The following GREM2 variants were observed in gnomAD, a reference collection of about 807,000 sequenced individuals.
GREM2 encodes the protein gremlin 2, DAN family BMP antagonist.
Under a neutral mutation model 14.2 loss-of-function variants are expected in GREM2, and 11 were observed. That is an observed-to-expected ratio of 0.78 (90% CI 0.49 to 1.28). The LOEUF is 1.28. Among genes scored for constraint, GREM2 ranks in the 50% most tolerant of loss-of-function variants. The probability of loss-of-function intolerance (pLI) is 0.00; values close to 1 mark genes in which losing one functional copy is unlikely to be tolerated. For missense variants in GREM2, 210 were observed against 218.5 expected, an observed-to-expected ratio of 0.96 and a Z score of 0.24; for synonymous variants, 98 against 97.6, an observed-to-expected ratio of 1.00 and a Z score of -0.02.
At chr1:240,583,142 C>G (rs940844664) in intron 1 of GREM2, among the ~76,000 whole-genome samples, 1 of 152,066 alleles carries the variant, frequency 6.6e-6, no homozygotes. Flanking sequence ...TAATCTGTAA[C>G]TACATCGAAT....
intron 1 of GREM2, among the ~76,000 whole-genome samples, chr1:240,609,705 C>T (rs986012989): frequency 6.6e-6 from 1 of 152,162 alleles, no homozygotes; most frequent in African/African-American, 2.4e-5. Context: ...ACAAAAGTGG[C>T]TGAACTAATC....
intron 1 of GREM2, among the ~76,000 whole-genome samples, chr1:240,551,096 G>A (rs1021802050): frequency 6.6e-6 from 1 of 152,148 alleles, no homozygotes; most frequent in Non-Finnish European, 1.5e-5. Context: ...AAATTGAGCT[G>A]GTTTCTCATC....
chr1:240,508,997 T>G lies in GREM2; in HGVS notation c.-1-15521A>C, dbSNP rs80349705. ...ATCCTCATTAATAAGGACCAGAGAC[T>G]AATGCAGTGATACGTAGCAATCAGT... On this transcript the variant is annotated intron_variant, in intron 1 of 1. Coordinates refer to ENST00000318160, the MANE Select transcript of GREM2 (RefSeq NM_022469.4). Among the ~76,000 whole-genome samples the G allele has an allele frequency of 1.8e-3, 277 of 152,366 alleles. 2 individuals are homozygous for G. Among genetic ancestry groups the G allele is most frequent in the African/African-American group, 6.3e-3 (264 of 41,578 alleles).
At chr1:240,576,161 C>G (rs1193191438) in intron 1 of GREM2, among the ~76,000 whole-genome samples, 2 of 152,108 alleles carry the variant, frequency 1.3e-5, no homozygotes, top group African/African-American at 4.8e-5. Context: ...CTGTGAGCTC[C>G]GTGATGTACA....
chr1:240,496,597 T>C (rs1473389920), intron 1 of GREM2, among the ~76,000 whole-genome samples: 2 of 152,226 alleles, frequency 1.3e-5, no homozygotes, highest in Non-Finnish European at 2.9e-5. Context: ...ATCACACTTG[T>C]CTTTCTTGTC....
intron 1 of GREM2, among the ~76,000 whole-genome samples, chr1:240,575,324 C>G (rs1336827660): frequency 6.6e-6 from 1 of 151,616 alleles, no homozygotes; most frequent in Non-Finnish European, 1.5e-5. Flanking sequence ...CAAGTCTTGT[C>G]CCTTTTATTT....
chr1:240,494,809 G>A lies in GREM2; in HGVS notation c.-1-1333C>T, dbSNP rs568252364. Among the ~76,000 whole-genome samples, 328 of 152,302 alleles carry A rather than the reference G, an allele frequency of 2.2e-3. 1 individual carries two copies. The highest frequency in any genetic ancestry group is 7.1e-3 in the African/African-American group (295 of 41,566). ...CCAGCTACTTGGGAGGCTGAGGCAG[G>A]AGAATGGCGTGAACCCGGGAGGCGG... On this transcript the variant is annotated intron_variant, in intron 1 of 1. Coordinates refer to ENST00000318160, the MANE Select transcript of GREM2 (RefSeq NM_022469.4).
At chr1:240,558,767 T>C (rs1175516306) in intron 1 of GREM2, among the ~76,000 whole-genome samples, 2 of 152,068 alleles carry the variant, frequency 1.3e-5, no homozygotes, top group Non-Finnish European at 2.9e-5. Context: ...ATATCTATCA[T>C]ATTGGGAATG....
chr1:240,546,285 G>A (rs1370383472), intron 1 of GREM2, among the ~76,000 whole-genome samples: 2 of 151,950 alleles, frequency 1.3e-5, no homozygotes, highest in Non-Finnish European at 2.9e-5. Context: ...GTTGCAGTGA[G>A]CCAAGATCGC....
At chr1:240,510,296 G>C (rs555091010) in intron 1 of GREM2, among the ~76,000 whole-genome samples, 13 of 148,294 alleles carry the variant, frequency 8.8e-5, no homozygotes, top group African/African-American at 2.2e-4. Flanking sequence ...CGTGAACCGG[G>C]GAGGCGGAGC....
At chr1:240,557,950 T>C (rs952810752) in intron 1 of GREM2, among the ~76,000 whole-genome samples, 1 of 152,120 alleles carries the variant, frequency 6.6e-6, no homozygotes, top group African/African-American at 2.4e-5. Flanking sequence ...ATTACTAATC[T>C]AGAGAAAACA....
intron 1 of GREM2, among the ~76,000 whole-genome samples, chr1:240,562,970 A>ATGTGTGTGAGTGTG (rs1263317226): frequency 2.1e-5 from 2 of 95,292 alleles, no homozygotes; most frequent in African/African-American, 1.7e-4. Context: ...GAGTGTGTGT[A>ATGTGTGTGAGTGTG]TGTGTGTATA....
intron 1 of GREM2, among the ~76,000 whole-genome samples, chr1:240,570,861 A>G (rs1558167057): frequency 1.3e-5 from 2 of 152,216 alleles, no homozygotes. Flanking sequence ...TTTTACATTA[A>G]TGATCACTGT....
At chr1:240,504,855 G>C (rs960581554) in intron 1 of GREM2, among the ~76,000 whole-genome samples, 4 of 152,004 alleles carry the variant, frequency 2.6e-5, no homozygotes, top group Non-Finnish European at 5.9e-5. Context: ...TTGCTGTTAA[G>C]AAAATACATT....
chr1:240,492,862 G>C lies in GREM2; in HGVS notation c.*107C>G. ...AAGAGAAGTGCTTGCTGCTGAGGGG[G>C]AACACCAGGCAGCGTGACAGTGGGC... On this transcript the variant is annotated 3_prime_UTR_variant, in exon 2 of 2. Transcript: ENST00000318160. 3 of 1,120,778 alleles carry C rather than the reference G, an allele frequency of 2.7e-6. No homozygotes were observed. Among genetic ancestry groups the C allele is most frequent in the Non-Finnish European group, 2.3e-6 (2 of 868,314 alleles). 69.4% of individuals were successfully genotyped at this position (1,120,778 alleles called of 1,614,324 possible). A position where few individuals can be genotyped will look rare whatever the true frequency, so the allele number is the denominator to read the frequency against.
rs35785335 is a variant in GREM2, at chr1:240,584,494, CAAAA to C, written c.-2+27386_-2+27389del. ...TGGGTGACAGAGCGAGACTCCATCT[CAAAA>C]AAAAAAAAAAAAAAGAAGAATGAAA... On this transcript the variant is annotated intron_variant, in intron 1 of 1. Transcript: ENST00000318160. Among the ~76,000 whole-genome samples the C allele has an allele frequency of 6.4e-3, 472 of 73,820 alleles. 4 individuals carry two copies. Among genetic ancestry groups the C allele is most frequent in the African/African-American group, 0.018 (414 of 23,616 alleles). The allele number at this position is 73,820 out of a possible 152,430, so 48.4% of individuals were successfully genotyped here.
chr1:240,511,926 T>A (rs1039169851), intron 1 of GREM2, among the ~76,000 whole-genome samples: 1 of 151,964 alleles, frequency 6.6e-6, no homozygotes, highest in Admixed American at 6.6e-5. Flanking sequence ...CATACCCCAA[T>A]AAGAATAAGT....
chr1:240,568,870 G>C (rs1162320013), intron 1 of GREM2, among the ~76,000 whole-genome samples: 1 of 152,000 alleles, frequency 6.6e-6, no homozygotes, highest in East Asian at 1.9e-4. Flanking sequence ...TCATATACTA[G>C]GAACAAACAT....
intron 1 of GREM2, among the ~76,000 whole-genome samples, chr1:240,572,157 A>G (rs555611696): frequency 3.9e-5 from 6 of 152,218 alleles, no homozygotes; most frequent in Non-Finnish European, 7.3e-5. Flanking sequence ...ATATTTCTAC[A>G]GATTTATTAG....
Sources: allele counts gnomAD v4.1 joint callset (sites outside exome capture counted in the v4.1 genomes callset), GRCh38; gene constraint gnomAD v4.1.1; transcripts MANE v1.5; gene names NCBI Gene and HGNC (gene_info 2026-07-23, HGNC 2026-07-21).